Variants in HNRNPF observed in about 807,000 individuals in gnomAD.
The protein encoded by HNRNPF is HnRNP F protein.
Under a neutral mutation model 26.0 loss-of-function variants are expected in HNRNPF, and 2 were observed. That is an observed-to-expected ratio of 0.08 (90% CI 0.03 to 0.24). The LOEUF is 0.24. Among genes scored for constraint, HNRNPF ranks in the 10% least tolerant of loss-of-function variants. HNRNPF has a pLI of 1.00. For synonymous variants in HNRNPF, 234 were observed against 211.5 expected, an observed-to-expected ratio of 1.11 and a Z score of -0.92; for missense variants, 299 against 539.2, an observed-to-expected ratio of 0.55 and a Z score of 4.41.
At chr10:43,394,779 C>G (rs1285246462) in intron 2 of HNRNPF, 91 bp from the exon 3 acceptor site, 1 of 152,176 alleles carries the variant, frequency 6.6e-6, no homozygotes. Flanking sequence ...ACAGAAACAG[C>G]TGGGAAGCCC....
chr10:43,388,245 G>A (rs945882189), intron 3 of HNRNPF, among the ~76,000 whole-genome samples: 2 of 152,164 alleles, frequency 1.3e-5, no homozygotes, highest in Non-Finnish European at 2.9e-5. Flanking sequence ...GATAATATGT[G>A]GCAGTTCACC....
At chr10:43,405,296 TAA>T (rs943147682) in intron 1 of HNRNPF, among the ~76,000 whole-genome samples, 5 of 152,234 alleles carry the variant, frequency 3.3e-5, no homozygotes, top group African/African-American at 1.2e-4. Context: ...GCTCTGAATT[TAA>T]AAAGTTATCT....
intron 1 of HNRNPF, chr10:43,396,897 A>C (rs920500984): frequency 1.5e-3 from 2 of 1,356 alleles, no homozygotes; most frequent in Non-Finnish European, 2.6e-3. Context: ...CGGGAGGGGG[A>C]GGGGAGGGGA....
chr10:43,401,693 T>G (rs945642126), intron 1 of HNRNPF, among the ~76,000 whole-genome samples: 2 of 152,198 alleles, frequency 1.3e-5, no homozygotes, highest in African/African-American at 4.8e-5. Flanking sequence ...GACCACCTCC[T>G]GTACCTCTCT....
intron 1 of HNRNPF, among the ~76,000 whole-genome samples, chr10:43,398,344 G>GTTGT (rs1554790099): frequency 8.0e-6 from 1 of 125,488 alleles, no homozygotes; most frequent in African/African-American, 3.0e-5. Flanking sequence ...TGTTGTTGTT[G>GTTGT]TTTTTTTTTT....
At chr10:43,397,597 T>G (rs940875765) in intron 1 of HNRNPF, among the ~76,000 whole-genome samples, 2 of 152,220 alleles carry the variant, frequency 1.3e-5, no homozygotes, top group African/African-American at 4.8e-5. Flanking sequence ...CGGACGTACC[T>G]TGGTTTGTAC....
At chr10:43,396,887 C>CGGGAG (rs1189358117) in intron 1 of HNRNPF, 1 of 36,010 alleles carries the variant, frequency 2.8e-5, no homozygotes, top group Admixed American at 3.1e-4. Flanking sequence ...GGGCGCCTCG[C>CGGGAG]GGGAGGGGGA....
chr10:43,402,446 A>G (rs944501627), intron 1 of HNRNPF, among the ~76,000 whole-genome samples: 2 of 152,142 alleles, frequency 1.3e-5, no homozygotes, highest in African/African-American at 2.4e-5. Flanking sequence ...AATTCCTACT[A>G]TTCACATTAT....
chr10:43,397,912 A>G (rs1413402953), intron 1 of HNRNPF, among the ~76,000 whole-genome samples: 1 of 152,262 alleles, frequency 6.6e-6, no homozygotes, highest in Non-Finnish European at 1.5e-5. Context: ...GAAAGTGGAA[A>G]TATACATGAA....
chr10:43,398,885 C>T (rs1231385487), intron 1 of HNRNPF, among the ~76,000 whole-genome samples: 1 of 152,098 alleles, frequency 6.6e-6, no homozygotes, highest in Non-Finnish European at 1.5e-5. Flanking sequence ...ACACGAATTA[C>T]AGGGAACAGT....
At chr10:43,402,485 A>G (rs913763698) in intron 1 of HNRNPF, among the ~76,000 whole-genome samples, 18 of 152,132 alleles carry the variant, frequency 1.2e-4, no homozygotes, top group African/African-American at 4.1e-4. Context: ...AACCAACCCT[A>G]TCAACACCCT....
At chr10:43,400,576 C>A (rs1017168873) in intron 1 of HNRNPF, among the ~76,000 whole-genome samples, 1 of 152,118 alleles carries the variant, frequency 6.6e-6, no homozygotes, top group Non-Finnish European at 1.5e-5. Context: ...AAAGTATCTT[C>A]CAACCCAGCA....
In HNRNPF at chr10:43,387,543, C is replaced by G; in HGVS notation, c.342G>C (p.Arg114=). 1.9e-6 allele frequency: 3 copies of G among 1,614,230 alleles called. No homozygotes were observed. The highest frequency in any genetic ancestry group is 2.5e-6 in the Non-Finnish European group (3 of 1,180,034). The stretch of plus-strand genomic sequence containing the variant: ...TGCATCCAAATGGGAGTCCTCGAAG[C>G]CGCACGAAGCCATCGTTGGCGCTGT... ...SADSANDGFV[R]LRGLPFGCTK... The change falls in exon 4 of 4, where the codon CGG becomes CGC. Residue 114 remains arginine (R), a synonymous_variant. Coordinates refer to ENST00000682386, the MANE Select transcript of HNRNPF (RefSeq NM_001098204.2). This position sits in a 1 kb window ranked among gnomAD's most constrained non-coding sequence, Gnocchi z 6.0.
chr10:43,404,300 A>T (rs2256495), intron 1 of HNRNPF, among the ~76,000 whole-genome samples: 5 of 106,604 alleles, frequency 4.7e-5, no homozygotes, highest in African/African-American at 1.4e-4. Context: ...GAATCCGTCT[A>T]TAAAAAAAAA....
intron 1 of HNRNPF, among the ~76,000 whole-genome samples, chr10:43,401,730 G>GT (rs1272172436): frequency 6.6e-6 from 1 of 152,132 alleles, no homozygotes; most frequent in African/African-American, 2.4e-5. Flanking sequence ...CCCTAAATAG[G>GT]TGCATAGTCA....
chr10:43,388,966 ATTTTTTTTTTT>A (rs141503011), intron 3 of HNRNPF, among the ~76,000 whole-genome samples: 3 of 127,100 alleles, frequency 2.4e-5, no homozygotes, highest in Non-Finnish European at 4.9e-5. Flanking sequence ...AGTATATGGA[ATTTTTTTTTTT>A]TTTTTTTTTT....
At chr10:43,406,293 C>A (rs1258899254) in intron 1 of HNRNPF, among the ~76,000 whole-genome samples, 1 of 152,146 alleles carries the variant, frequency 6.6e-6, no homozygotes, top group Non-Finnish European at 1.5e-5. Flanking sequence ...GTTCTGGCCA[C>A]GTGGGAGAAG....
chr10:43,397,350 T>G (rs1039007037), intron 1 of HNRNPF: 2 of 152,190 alleles, frequency 1.3e-5, no homozygotes, highest in Non-Finnish European at 2.9e-5. Flanking sequence ...AACGCGTGCC[T>G]GCAGGTGCGG....
intron 3 of HNRNPF, among the ~76,000 whole-genome samples, chr10:43,388,646 G>C (rs1838124079): frequency 6.6e-6 from 1 of 152,220 alleles, no homozygotes; most frequent in Non-Finnish European, 1.5e-5. Context: ...TGATTCACAG[G>C]TTCACATAAA....
Sources: allele counts gnomAD v4.1 joint callset (sites outside exome capture counted in the v4.1 genomes callset), GRCh38; gene constraint gnomAD v4.1.1; non-coding constraint Gnocchi (gnomAD v3.1); transcripts MANE v1.5; gene names NCBI Gene and HGNC (gene_info 2026-07-23, HGNC 2026-07-21).